Variants in RSRP1 observed in about 807,000 individuals in gnomAD.
RSRP1 encodes arginine/serine-rich protein 1.
Under a neutral mutation model 33.0 loss-of-function variants are expected in RSRP1, and 37 were observed. The ratio of observed to expected loss-of-function variants is 1.12; its 90% CI spans 0.86 to 1.48. The LOEUF (loss-of-function observed/expected upper bound fraction) is 1.48, where lower values mean the gene tolerates loss of function less well. Ranked by LOEUF, RSRP1 falls within the 40% of genes most tolerant of loss-of-function variation. The pLI is 0.00. For synonymous variants in RSRP1, 167 were observed against 158.7 expected, an observed-to-expected ratio of 1.05 and a Z score of -0.40; for missense variants, 402 against 385.3, an observed-to-expected ratio of 1.04 and a Z score of -0.36.
At chr1:25,272,664 G>A (rs748061815) in intron 1 of RSRP1, 1 of 1,562,402 alleles carries the variant, frequency 6.4e-7, no homozygotes, top group African/African-American at 1.4e-5. Flanking sequence ...CTTCCTTAGA[G>A]GATCAAAAGG....
rs185525813 is a variant in RSRP1 at position 25,282,784 on chromosome 1, G to A, written c.-66-35755C>T. Among the ~76,000 whole-genome samples the A allele has an allele frequency of 3.1e-3, 406 of 130,246 alleles. 59 individuals carry two copies. Among genetic ancestry groups the A allele is most frequent in the African/African-American group, 8.6e-3 (329 of 38,292 alleles). 85.4% of individuals were successfully genotyped at this position (130,246 alleles called of 152,430 possible). ...GCGCGCGCCTGTGGTTCCCACTGAA[G>A]CACAGGAGGCTGAAGCACAAGAATC... On this transcript the variant is annotated intron_variant, in intron 1 of 1. Coordinates refer to the RSRP1 transcript ENST00000561867.
In RSRP1 at chr1:25,305,314, C is replaced by A. The variant is rs1277931858; in HGVS notation, c.-67+32664G>T. On this transcript the variant is annotated intron_variant, in intron 1 of 1. Transcript: ENST00000561867. Reference sequence around the variant, plus strand: ...GGTCCACCCAGGAGCATGGTGGACCCAGATCCCTGAAAGATGGGAGGTGCT... The same window carrying A: ...GGTCCACCCAGGAGCATGGTGGACCAAGATCCCTGAAAGATGGGAGGTGCT... 2.3e-5 allele frequency among the ~76,000 whole-genome samples: 3 copies of A among 132,146 alleles called. No individual in the cohort carries two copies. The East Asian group carries it at 5.8e-4, about 26-fold the overall frequency. 86.7% of individuals were successfully genotyped at this position (132,146 alleles called of 152,430 possible).
rs188876828 is a variant in RSRP1, at chr1:25,299,376, G to A, written c.-67+38602C>T. On this transcript the variant is annotated intron_variant, in intron 1 of 1. Transcript: ENST00000561867. ...TAGCCTGGCGACAGAGTGAGACTCC[G>A]TCTCAAAAATAAATAAATAAATAAA... Among the ~76,000 whole-genome samples, 49 of 130,356 alleles carry A rather than the reference G, an allele frequency of 3.8e-4. 7 individuals are homozygous for A. The highest frequency in any genetic ancestry group is 4.1e-3 in the Middle Eastern group (1 of 242). 85.5% of individuals were successfully genotyped at this position (130,356 alleles called of 152,430 possible). A position where few individuals can be genotyped will look rare whatever the true frequency, so the allele number is the denominator to read the frequency against.
intron 1 of RSRP1, among the ~76,000 whole-genome samples, chr1:25,292,655 G>A (rs11488397): frequency 7.7e-6 from 1 of 129,294 alleles, no homozygotes. Context: ...GGTTGGGGGA[G>A]GGGGGGTAGA....
intron 1 of RSRP1, among the ~76,000 whole-genome samples, chr1:25,280,606 T>A (rs1306143121): frequency 1.8e-4 from 1 of 5,640 alleles, no homozygotes; most frequent in African/African-American, 2.0e-4. Context: ...GTGCCTGGCC[T>A]TTTTTTTTTT....
chr1:25,283,388 G>A lies in RSRP1; in HGVS notation c.-66-36359C>T, dbSNP rs183402073. On this transcript the variant is annotated intron_variant, in intron 1 of 1. Transcript: ENST00000561867. The stretch of plus-strand genomic sequence containing the variant: ...TCTATTAAAAATACAAAAATTAGCC[G>A]GGCACGGTGGCAGGCACCTGTAATC... Among the ~76,000 whole-genome samples, 240 of 130,906 alleles carry A rather than the reference G, an allele frequency of 1.8e-3. 53 individuals are homozygous for A. The highest frequency in any genetic ancestry group is 4.3e-3 in the Admixed American group (57 of 13,400). The allele number at this position is 130,906 out of a possible 152,430, so 85.9% of individuals were successfully genotyped here. A position where few individuals can be genotyped will look rare whatever the true frequency, so the allele number is the denominator to read the frequency against.
rs1171433774 is a variant in RSRP1 at position 25,316,618 on chromosome 1, G to GAA, written c.-67+21358_-67+21359dup. Among the ~76,000 whole-genome samples the GAA allele has an allele frequency of 6.8e-3, 278 of 40,628 alleles. 7 individuals are homozygous for GAA. The highest frequency in any genetic ancestry group is 0.014 in the African/African-American group (250 of 18,218). The allele number at this position is 40,628 out of a possible 152,430, so 26.7% of individuals were successfully genotyped here. On this transcript the variant is annotated intron_variant, in intron 1 of 1. Coordinates refer to the RSRP1 transcript ENST00000561867. ...AGACTCCATCTCACAAACAAAAACA[G>GAA]AAAAAAAAAAAAAAAAAAGAGAGAG...
At position 25,242,586 on chromosome 1, in the gene RSRP1, C is replaced by G. The variant is rs773696097; in HGVS notation, c.*3G>C. ...TGCAAACTTAGCCATCAGTTTTCTTCTTTTAGATAGGTATCCACAGTCCAT... is the reference window on the plus strand; with the variant it reads ...TGCAAACTTAGCCATCAGTTTTCTTGTTTTAGATAGGTATCCACAGTCCAT... On this transcript the variant is annotated 3_prime_UTR_variant, in exon 5 of 5. Coordinates refer to ENST00000243189, the MANE Select transcript of RSRP1 (RefSeq NM_020317.5). 6.4e-7 allele frequency: 1 copy of G among 1,557,804 alleles called. No homozygotes were observed. The highest frequency in any genetic ancestry group is 8.8e-7 in the Non-Finnish European group (1 of 1,141,322).
intron 1 of RSRP1, among the ~76,000 whole-genome samples, chr1:25,268,888 C>T: frequency 8.0e-6 from 1 of 124,264 alleles, no homozygotes; most frequent in Admixed American, 7.9e-5. Context: ...GTGGAGGTTG[C>T]AGTGAGCCGA....
chr1:25,337,025 C>T (rs1039707498), intron 1 of RSRP1: 16 of 157,902 alleles, frequency 1.0e-4, no homozygotes, highest in Admixed American at 8.9e-4. Flanking sequence ...TATCTCTTAA[C>T]GACAATTGAC....
chr1:25,298,311 A>T (rs1386094948), intron 1 of RSRP1, among the ~76,000 whole-genome samples: 1 of 122,744 alleles, frequency 8.1e-6, no homozygotes, highest in East Asian at 2.0e-4. Context: ...CTTCATAACG[A>T]TTGCTTTAAA....
rs1232884188 is a variant in RSRP1, at chr1:25,333,062, C to T, written c.-67+4916G>A. ...TAGGTCCTGGCGTCCTGAGACCCAA[C>T]AGCCTGGGATCCTGAAATCCAAGGG... On this transcript the variant is annotated intron_variant, in intron 1 of 1. Transcript: ENST00000561867. Among the ~76,000 whole-genome samples the T allele has an allele frequency of 2.3e-5, 3 of 131,760 alleles. 1 individual carries two copies. The highest frequency in any genetic ancestry group is 1.5e-4 in the Admixed American group (2 of 13,542). The allele number at this position is 131,760 out of a possible 152,430, so 86.4% of individuals were successfully genotyped here. A position where few individuals can be genotyped will look rare whatever the true frequency, so the allele number is the denominator to read the frequency against.
intron 1 of RSRP1, among the ~76,000 whole-genome samples, chr1:25,268,747 AG>A (rs1434555663): frequency 2.3e-5 from 3 of 129,486 alleles, no homozygotes; most frequent in African/African-American, 7.9e-5. Context: ...CAGGAGTTCA[AG>A]ACCAGCCTGG....
intron 1 of RSRP1, chr1:25,329,252 T>TG (rs1644936548): frequency 4.6e-6 from 3 of 655,678 alleles, no homozygotes; most frequent in South Asian, 1.9e-5. Flanking sequence ...TTTTTTTTTT[T>TG]TTTTTTTTTT....
intron 1 of RSRP1, among the ~76,000 whole-genome samples, chr1:25,332,455 A>G (rs548067784): frequency 7.5e-6 from 1 of 132,720 alleles, no homozygotes; most frequent in East Asian, 1.9e-4. Context: ...GGATATATCC[A>G]TGAATGAACT....
Position 25,320,411 on chromosome 1 carries a change from G to A in RSRP1, c.-67+17567C>T, listed in dbSNP as rs372718686. 5.6e-4 allele frequency among the ~76,000 whole-genome samples: 74 copies of A among 132,120 alleles called. 14 individuals are homozygous for A. In the South Asian group the frequency reaches 0.016, roughly 29 times the overall value. The allele number at this position is 132,120 out of a possible 152,430, so 86.7% of individuals were successfully genotyped here. ...ATATATTTTAGACAGATATTCCTCA[G>A]TGATGAGTAAGCCTCAGCTATCTGG... On this transcript the variant is annotated intron_variant, in intron 1 of 1. Transcript: ENST00000561867.
intron 1 of RSRP1, among the ~76,000 whole-genome samples, chr1:25,286,033 G>T (rs1400878126): frequency 7.4e-6 from 1 of 135,250 alleles, no homozygotes; most frequent in East Asian, 1.9e-4. Flanking sequence ...CTCAGAGAGG[G>T]CAAGGCACTT....
intron 1 of RSRP1, chr1:25,307,797 T>C: frequency 7.7e-7 from 1 of 1,299,978 alleles, no homozygotes; most frequent in Non-Finnish European, 1.1e-6. Flanking sequence ...CCCCAAATTA[T>C]AGGGATCACA....
intron 1 of RSRP1, among the ~76,000 whole-genome samples, chr1:25,314,547 G>A (rs1394177745): frequency 1.5e-5 from 2 of 132,650 alleles, no homozygotes; most frequent in African/African-American, 5.1e-5. Context: ...AGGCTGGAAT[G>A]CAGTGGCGCT....
Sources: allele counts gnomAD v4.1 joint callset (sites outside exome capture counted in the v4.1 genomes callset), GRCh38; gene constraint gnomAD v4.1.1; transcripts MANE v1.5; gene names NCBI Gene and HGNC (gene_info 2026-07-23, HGNC 2026-07-21).